Variants in PRELID1 observed in about 807,000 individuals in gnomAD.
PRELID1 encodes the protein PRELI domain containing 1, also known as PRELI domain-containing protein 1, mitochondrial.
In PRELID1, 15 loss-of-function variants were observed where a neutral mutation model predicts 29.0. The observed-to-expected ratio is 0.52, with a 90% CI of 0.35 to 0.80. The LOEUF is 0.80. Ranked by LOEUF, PRELID1 falls within the 30% of genes least tolerant of loss-of-function variation. The pLI, the probability that PRELID1 is intolerant of heterozygous loss-of-function variation, is 0.01. For missense variants in PRELID1, 187 were observed against 275.9 expected (o/e 0.68, Z 2.28); for synonymous variants, 79 against 106.5 (o/e 0.74, Z 1.59).
rs4635949 is a variant in PRELID1 at position 177,306,676 on chromosome 5, C to G, written c.*106C>G. 2.0e-6 allele frequency: 3 copies of G among 1,466,298 alleles called. No individual in the cohort carries two copies. Among genetic ancestry groups the G allele is most frequent in the Non-Finnish European group, 2.8e-6 (3 of 1,088,768 alleles). The allele number at this position is 1,466,298 out of a possible 1,614,324, so 90.8% of individuals were successfully genotyped here. A position where few individuals can be genotyped will look rare whatever the true frequency, so the allele number is the denominator to read the frequency against. On this transcript the variant is annotated 3_prime_UTR_variant, in exon 5 of 5. Coordinates refer to ENST00000303204, the MANE Select transcript of PRELID1 (RefSeq NM_013237.4). ...ATCAACTTCCAGCCCTGTCTGCTGT[C>G]TACGTGGTGGGTTGTGGGGATGCAG...
At chr5:177,305,241 GTC>G (rs1760832434) in intron 2 of PRELID1, among the ~76,000 whole-genome samples, 1 of 151,426 alleles carries the variant, frequency 6.6e-6, no homozygotes, top group South Asian at 2.1e-4. Context: ...GGTGACAAGA[GTC>G]TCACCCAGGT....
At chr5:177,304,926 G>T (rs1452348351) in intron 2 of PRELID1, 76 bp downstream of exon 2, 13 of 1,385,610 alleles carry the variant, frequency 9.4e-6, no homozygotes, top group Admixed American at 2.0e-5. Flanking sequence ...TCAGATACAT[G>T]TGGCTAGAGA....
chr5:177,303,842 T>C lies in PRELID1; in HGVS notation c.-144T>C, dbSNP rs948073751. 7.4e-6 allele frequency: 4 copies of C among 542,110 alleles called. No individual in the cohort carries two copies. The highest frequency in any genetic ancestry group is 1.2e-5 in the Non-Finnish European group (4 of 345,448). 33.6% of individuals were successfully genotyped at this position (542,110 alleles called of 1,614,324 possible). On this transcript the variant is annotated 5_prime_UTR_variant, in exon 1 of 5. Transcript: ENST00000303204. The surrounding 1 kb of genome is among the most constrained non-coding windows in gnomAD (Gnocchi z 6.1). ...TGGCGGCGGCGGCGGCGGCGGCAGC[T>C]GCTTGGGCGCGGTGCGGTGGTGACT...
In PRELID1 at chr5:177,303,909, C is replaced by G; in HGVS notation, c.-77C>G. On this transcript the variant is annotated 5_prime_UTR_variant, in exon 1 of 5. Coordinates refer to ENST00000303204, the MANE Select transcript of PRELID1 (RefSeq NM_013237.4). The surrounding 1 kb of genome is among the most constrained non-coding windows in gnomAD (Gnocchi z 6.1). ...GGCGGGTGTGCGCCGAGCCCCGGCC[C>G]GGCCCGGCCCTCGCGTGCCTCCCAG... The G allele has an allele frequency of 1.5e-6, 2 of 1,320,076 alleles. No individual in the cohort carries two copies. The highest frequency in any genetic ancestry group is 2.5e-5 in the South Asian group (2 of 79,762). 81.8% of individuals were successfully genotyped at this position (1,320,076 alleles called of 1,614,324 possible).
At position 177,304,020 on chromosome 5, in the gene PRELID1, G is replaced by A. The variant is rs1760787872; in HGVS notation, c.35G>A (p.Arg12Gln). ...TATTTCCTGGGCCAGAGCGTGCTCC[G>A]GAGTTCCTGGGACCAAGTGTTCGCC... ...VKYFLGQSVL[R>Q]SSWDQVFAAF... The change falls in exon 1 of 5, where the codon CGG (arginine) becomes CAG (glutamine). Residue 12 changes from arginine to glutamine, a missense_variant. Coordinates refer to ENST00000303204, the MANE Select transcript of PRELID1 (RefSeq NM_013237.4). The A allele has an allele frequency of 6.2e-7, 1 of 1,611,918 alleles. No homozygotes were observed. The highest frequency in any genetic ancestry group is 1.3e-5 in the African/African-American group (1 of 75,064).
At chr5:177,305,106 G>A (rs532601706) in intron 2 of PRELID1, among the ~76,000 whole-genome samples, 4 of 152,226 alleles carry the variant, frequency 2.6e-5, no homozygotes, top group South Asian at 4.1e-4. Context: ...GTTGTCCTAA[G>A]TTCTAAATGC....
intron 1 of PRELID1, 57 bp downstream of exon 1, chr5:177,304,134 A>G: frequency 6.7e-7 from 1 of 1,488,984 alleles, no homozygotes; most frequent in Non-Finnish European, 9.3e-7. Flanking sequence ...AGATCGAATT[A>G]TGGGTAACCC....
chr5:177,304,458 T>TG, intron 1 of PRELID1, 167 bp from the exon 2 acceptor site: 1 of 712,490 alleles, frequency 1.4e-6, no homozygotes, highest in Non-Finnish European at 2.5e-6. Context: ...AGTGGGAATT[T>TG]GCCCTGGGAT....
At chr5:177,305,502 G>A (rs549655789) in intron 2 of PRELID1, 9 of 263,562 alleles carry the variant, frequency 3.4e-5, no homozygotes, top group Admixed American at 1.0e-4. Flanking sequence ...CCACCGCGCC[G>A]GGCAAATGTT....
At chr5:177,304,567 C>T (rs1760805980) in intron 1 of PRELID1, 58 bp from the exon 2 acceptor site, 1 of 1,439,270 alleles carries the variant, frequency 6.9e-7, no homozygotes, top group Admixed American at 1.7e-5. Flanking sequence ...TGGGAATCCC[C>T]TCGGGCAGTC....
At position 177,303,887 on chromosome 5, in the gene PRELID1, G is replaced by C; in HGVS notation, c.-99G>C. The C allele has an allele frequency of 1.0e-6, 1 of 992,824 alleles. No individual in the cohort carries two copies. 61.5% of individuals were successfully genotyped at this position (992,824 alleles called of 1,614,324 possible). A position where few individuals can be genotyped will look rare whatever the true frequency, so the allele number is the denominator to read the frequency against. ...GTGACTGAGCTACGAGCCTGGCGGC[G>C]GGTGTGCGCCGAGCCCCGGCCCGGC... On this transcript the variant is annotated 5_prime_UTR_variant, in exon 1 of 5. Transcript: ENST00000303204. This position sits in a 1 kb window ranked among gnomAD's most constrained non-coding sequence, Gnocchi z 6.1.
At chr5:177,304,210 A>T in intron 1 of PRELID1, 133 bp downstream of exon 1, 2 of 897,154 alleles carry the variant, frequency 2.2e-6, no homozygotes, top group Non-Finnish European at 3.4e-6. Flanking sequence ...GGAAGCGGCC[A>T]GGCCAGGCCT....
chr5:177,304,527 C>CGT, intron 1 of PRELID1, 98 bp from the exon 2 acceptor site: 1 of 1,010,434 alleles, frequency 9.9e-7, no homozygotes, highest in Non-Finnish European at 1.5e-6. Context: ...TACGGGAAGG[C>CGT]GTGGCCTCTC....
chr5:177,304,482 T>A (rs929697808), intron 1 of PRELID1, 143 bp from the exon 2 acceptor site: 1 of 770,486 alleles, frequency 1.3e-6, no homozygotes, highest in African/African-American at 1.7e-5. Context: ...CCCTTAACTC[T>A]GGTTTGAACC....
intron 2 of PRELID1, 40 bp from the exon 3 acceptor site, chr5:177,305,831 A>G (rs771894774): frequency 1.3e-6 from 2 of 1,574,220 alleles, no homozygotes; most frequent in Non-Finnish European, 1.7e-6. Context: ...AGTTGGCAAA[A>G]TGAAAGACTG....
intron 1 of PRELID1, chr5:177,304,411 G>A: frequency 3.0e-6 from 2 of 665,586 alleles, no homozygotes; most frequent in Non-Finnish European, 5.5e-6. Flanking sequence ...GTCCATTCCT[G>A]CTAGAAGGCA....
At chr5:177,304,915 C>T (rs1760818077) in intron 2 of PRELID1, 65 bp downstream of exon 2, 1 of 1,431,238 alleles carries the variant, frequency 7.0e-7, no homozygotes, top group East Asian at 2.5e-5. Context: ...TAGAGAGCTC[C>T]TCAGATACAT....
rs144966419 is a variant in PRELID1 at position 177,306,522 on chromosome 5, C to T, written c.612C>T (p.Ala204=). ...LAATEKAKDL[A]SKAATKKQQQ... is the part of the protein sequence containing the mutation. ...CTACAGAGAAGGCCAAGGACCTCGC[C>T]AGCAAGGCGGCCACCAAGAAGCAGC... The change falls in exon 5 of 5, where the codon GCC becomes GCT. Residue 204 remains alanine (A), a synonymous_variant. Coordinates refer to ENST00000303204, the MANE Select transcript of PRELID1 (RefSeq NM_013237.4). The T allele has an allele frequency of 6.2e-7, 1 of 1,612,532 alleles. No individual in the cohort carries two copies. The highest frequency in any genetic ancestry group is 1.7e-5 in the Admixed American group (1 of 59,856).
Position 177,304,893 on chromosome 5 carries a change from C to T in PRELID1, c.318+43C>T, listed in dbSNP as rs570600660. 9.1e-5 allele frequency: 137 copies of T among 1,497,982 alleles called. 1 individual carries two copies. In the South Asian group the frequency reaches 1.6e-3, roughly 18 times the overall value. 92.8% of individuals were successfully genotyped at this position (1,497,982 alleles called of 1,614,324 possible). A position where few individuals can be genotyped will look rare whatever the true frequency, so the allele number is the denominator to read the frequency against. ...GTGATTCTGCACCTCCCCCTCTCCC[C>T]TCCCCCCGAGATAGAGAGCTCCTCA... is the stretch of plus-strand genomic sequence containing the variant. On this transcript the variant is annotated intron_variant, in intron 2 of 4. Transcript: ENST00000303204.
Sources: gnomAD v4.1 joint callset for allele counts (sites outside exome capture counted in the v4.1 genomes callset) on GRCh38, gnomAD v4.1.1 for gene constraint, Gnocchi (gnomAD v3.1) non-coding constraint, MANE v1.5 for transcripts, NCBI Gene and HGNC (gene_info 2026-07-23, HGNC 2026-07-21) for gene names.